DNMT1: variants seen among roughly 807,000 people sequenced by gnomAD.
The protein encoded by DNMT1 is DNA methyltransferase 1.
In DNMT1, 24 loss-of-function variants were observed where a neutral mutation model predicts 205.3. That is an observed-to-expected ratio of 0.12 (90% CI 0.08 to 0.16). The LOEUF (loss-of-function observed/expected upper bound fraction) is 0.16, where lower values mean the gene tolerates loss of function less well. Among genes scored for constraint, DNMT1 ranks in the 10% least tolerant of loss-of-function variants. The pLI, the probability that DNMT1 is intolerant of heterozygous loss-of-function variation, is 1.00. For missense variants in DNMT1, 1,293 were observed against 2,177.7 expected (o/e 0.59, Z 8.09); for synonymous variants, 817 against 839.8 (o/e 0.97, Z 0.47).
chr19:10,164,889 T>C (rs768914508), intron 11 of DNMT1, among the ~76,000 whole-genome samples: 8 of 114,094 alleles, frequency 7.0e-5, no homozygotes, highest in Non-Finnish European at 1.2e-4. Context: ...GATCACACCA[T>C]TGCATGACAG....
intron 13 of DNMT1, among the ~76,000 whole-genome samples, chr19:10,161,083 G>A (rs939071156): frequency 3.3e-5 from 5 of 152,070 alleles, no homozygotes; most frequent in Non-Finnish European, 7.4e-5. Context: ...GAGGCGGATG[G>A]ATCACGAGAT....
At chr19:10,184,741 G>A (rs1316789958) in intron 1 of DNMT1, among the ~76,000 whole-genome samples, 1 of 152,218 alleles carries the variant, frequency 6.6e-6, no homozygotes, top group Non-Finnish European at 1.5e-5. Context: ...ACTACAGACT[G>A]CGGGGTGAGA....
In DNMT1 at chr19:10,139,726, G is replaced by C. The variant is rs1665602216; in HGVS notation, c.3898C>G (p.Leu1300Val). 1 of 1,613,492 alleles carries C rather than the reference G, an allele frequency of 6.2e-7. No individual in the cohort carries two copies. Among genetic ancestry groups the C allele is most frequent in the Admixed American group, 1.7e-5 (1 of 59,900 alleles). Residue 1300 changes from leucine (L) to valine (V), a missense_variant, in exon 34 of 41, where the codon CTC (leucine) becomes GTC (valine). By Grantham distance (32) the Leu-to-Val change is conservative. Around this residue, in one of 13 missense-constraint regions of DNMT1, gnomAD observed 38 missense variants for 141.1 expected, o/e 0.27. Coordinates refer to ENST00000359526, the MANE Select transcript of DNMT1 (RefSeq NM_001130823.3). ...FKRSMVLKLT[L>V]RCLVRMGYQC... ...TAGCCCATGCGGACCAGGCAGCGGA[G>C]GGTGAGCTTCAGGACCATGGAGCGC...
intron 7 of DNMT1, 120 bp downstream of exon 7, chr19:10,175,420 A>G (rs2038920657): frequency 9.1e-7 from 1 of 1,099,598 alleles, no homozygotes; most frequent in Non-Finnish European, 1.4e-6. Context: ...GTCTCTCTGG[A>G]GAGCCCTAAA....
chr19:10,182,854 C>A (rs1489378814), intron 1 of DNMT1, among the ~76,000 whole-genome samples: 2 of 151,244 alleles, frequency 1.3e-5, no homozygotes, highest in Non-Finnish European at 2.9e-5. Flanking sequence ...TGAGTAGAGA[C>A]AGGGTTTCAC....
rs1483769228 is a variant in DNMT1 at position 10,162,714 on chromosome 19, C to T, written c.961G>A (p.Glu321Lys). 6.2e-7 allele frequency: 1 copy of T among 1,613,094 alleles called. No individual in the cohort carries two copies. The highest frequency in any genetic ancestry group is 1.1e-5 in the South Asian group (1 of 91,060). ...TCAGAAATCTGTGGATTTACTTTTTCAGGTTCTTTTTCTTCGGGCCTCCGT... is the reference window on the plus strand; with the variant it reads ...TCAGAAATCTGTGGATTTACTTTTTTAGGTTCTTTTTCTTCGGGCCTCCGT... ...AKRRPEEKEP[E>K]KVNPQISDEK... is the part of the protein sequence containing the mutation. Residue 321 changes from glutamate (E) to lysine (K), a missense_variant, in exon 13 of 41, where the codon GAA becomes AAA. Transcript: ENST00000359526.
At chr19:10,164,984 C>CAAT (rs2038657985) in intron 11 of DNMT1, among the ~76,000 whole-genome samples, 1 of 140,492 alleles carries the variant, frequency 7.1e-6, no homozygotes, top group Non-Finnish European at 1.5e-5. Context: ...CTGAATGCAA[C>CAAT]GGTTCATGCC....
Position 10,180,811 on chromosome 19 carries a change from C to T in DNMT1, c.192G>A (p.Leu64=), listed in dbSNP as rs2039032456. The change falls in exon 3 of 41, where the codon TTG becomes TTA. Residue 64 remains leucine (L), a synonymous_variant. Coordinates refer to ENST00000359526, the MANE Select transcript of DNMT1 (RefSeq NM_001130823.3). ...ATTCTTCTTTACGTAATTTGGTTTCCAAGTCACATAACTGATTCTTTATTT... is the reference window on the plus strand; with the variant it reads ...ATTCTTCTTTACGTAATTTGGTTTCTAAGTCACATAACTGATTCTTTATTT... ...QTEIKNQLCD[L]ETKLRKEELS... 1 of 1,613,988 alleles carries T rather than the reference C, an allele frequency of 6.2e-7. No homozygotes were observed. The highest frequency in any genetic ancestry group is 1.7e-5 in the Admixed American group (1 of 59,980).
chr19:10,151,629 T>C lies in DNMT1; in HGVS notation c.2118-84A>G. 1 of 1,609,984 alleles carries C rather than the reference T, an allele frequency of 6.2e-7. No individual in the cohort carries two copies. ...TTTTCTTCATAACAGGGACAGGTCC[T>C]GAGACAATGCCTAACGAAGGAATCC... On this transcript the variant is annotated intron_variant, in intron 23 of 40. Coordinates refer to ENST00000359526, the MANE Select transcript of DNMT1 (RefSeq NM_001130823.3). This position sits in a 1 kb window ranked among gnomAD's most constrained non-coding sequence, Gnocchi z 5.0.
chr19:10,178,155 G>C (rs2038971040), intron 5 of DNMT1, among the ~76,000 whole-genome samples: 2 of 149,690 alleles, frequency 1.3e-5, no homozygotes, highest in Non-Finnish European at 3.0e-5. Flanking sequence ...TCCTCAGGAG[G>C]CTGAGGCAAA....
intron 1 of DNMT1, chr19:10,194,469 C>T (rs1251213787): frequency 1.5e-5 from 3 of 197,396 alleles, no homozygotes; most frequent in African/African-American, 2.3e-5. Flanking sequence ...ACTTCCTGTG[C>T]GACCAAGCTG....
At chr19:10,162,835 C>A in intron 12 of DNMT1, 87 bp from the exon 13 acceptor site, 1 of 1,431,924 alleles carries the variant, frequency 7.0e-7, no homozygotes, top group South Asian at 1.2e-5. Flanking sequence ...AAACTAATGC[C>A]TCCCCATGGG....
intron 29 of DNMT1, among the ~76,000 whole-genome samples, 157 bp downstream of exon 29, chr19:10,143,609 C>T (rs1048377259): frequency 2.0e-5 from 3 of 152,102 alleles, no homozygotes; most frequent in Non-Finnish European, 4.4e-5. Flanking sequence ...GAATTCTAGT[C>T]ATTATCAGTG....
In DNMT1 at chr19:10,194,680, ACTGC is replaced by A; in HGVS notation, c.80+136_80+139del. 2.4e-6 allele frequency: 3 copies of A among 1,228,544 alleles called. No individual in the cohort carries two copies. The East Asian group carries it at 9.3e-5, about 38-fold the overall frequency. 76.1% of individuals were successfully genotyped at this position (1,228,544 alleles called of 1,614,324 possible). On this transcript the variant is annotated intron_variant, in intron 1 of 40. Coordinates refer to ENST00000359526, the MANE Select transcript of DNMT1 (RefSeq NM_001130823.3). ...CGGAAGTGCCACCCTGCCCGCGCCA[ACTGC>A]CGCTGCGCGCCGCACCACCCCACGC...
chr19:10,138,696 C>A lies in DNMT1; in HGVS notation c.3949-91G>T. On this transcript the variant is annotated intron_variant, in intron 34 of 40. Transcript: ENST00000359526. The surrounding 1 kb of genome is among the most constrained non-coding windows in gnomAD (Gnocchi z 4.1). ...CAGGCCCAGGGTCAGCAGCCTGAGT[C>A]GGGAGTGGCTGGCCAATGCGGAGTG... 6.6e-7 allele frequency: 1 copy of A among 1,504,672 alleles called. No individual in the cohort carries two copies. Among genetic ancestry groups the A allele is most frequent in the Non-Finnish European group, 8.9e-7 (1 of 1,123,478 alleles). The allele number at this position is 1,504,672 out of a possible 1,614,324, so 93.2% of individuals were successfully genotyped here. A position where few individuals can be genotyped will look rare whatever the true frequency, so the allele number is the denominator to read the frequency against.
chr19:10,194,926 C>T lies in DNMT1; in HGVS notation c.-27G>A, dbSNP rs529615022. ...TCGGAGGCTTCAGCAGACGCGGCGG[C>T]GGCAGCGCAGGCGCCCCGGCTTTTC... On this transcript the variant is annotated 5_prime_UTR_variant, in exon 1 of 41. Coordinates refer to ENST00000359526, the MANE Select transcript of DNMT1 (RefSeq NM_001130823.3). 1.6e-5 allele frequency: 25 copies of T among 1,594,154 alleles called. No individual in the cohort carries two copies. The South Asian group carries it at 2.4e-4, about 15-fold the overall frequency.
intron 12 of DNMT1, chr19:10,162,984 T>TTTA: frequency 2.2e-6 from 1 of 459,490 alleles, no homozygotes; most frequent in Non-Finnish European, 3.8e-6. Context: ...TTTTTTTTTT[T>TTTA]GAGACAGAGT....
chr19:10,173,124 G>A lies in DNMT1; in HGVS notation c.734C>T (p.Thr245Met), dbSNP rs143598088. 2.2e-5 allele frequency: 36 copies of A among 1,613,920 alleles called. No homozygotes were observed. The Admixed American group carries it at 3.2e-4, about 14-fold the overall frequency. ...AEEPERAKSG[T>M]RTEKEEERDE... ...TCTTTCTTCTTCCTTTTCAGTGCGCGTTCCTGATTTTGCTCTTTCAGGTTC... is the reference window on the plus strand; with the variant it reads ...TCTTTCTTCTTCCTTTTCAGTGCGCATTCCTGATTTTGCTCTTTCAGGTTC... The change falls in exon 9 of 41, where the codon ACG becomes ATG. Residue 245 changes from threonine (T) to methionine (M), a missense_variant. By Grantham distance (81) the Thr-to-Met change is moderately conservative. Around this residue, in one of 13 missense-constraint regions of DNMT1, gnomAD observed 394 missense variants for 451.6 expected, o/e 0.87. Transcript: ENST00000359526.
intron 11 of DNMT1, among the ~76,000 whole-genome samples, chr19:10,165,911 A>C (rs1198418502): frequency 6.6e-6 from 1 of 152,152 alleles, no homozygotes; most frequent in Non-Finnish European, 1.5e-5. Flanking sequence ...CCCACTGGCG[A>C]CCGGGTCAGA....
Sources: gnomAD v4.1 joint callset for allele counts (sites outside exome capture counted in the v4.1 genomes callset) on GRCh38, gnomAD v4.1.1 for gene constraint, gnomAD v4.1.1 regional missense constraint, Gnocchi (gnomAD v3.1) non-coding constraint, MANE v1.5 for transcripts, NCBI Gene and HGNC (gene_info 2026-07-23, HGNC 2026-07-21) for gene names.